The following ADORA2B variants were observed in gnomAD, a reference collection of about 807,000 sequenced individuals.
ADORA2B encodes the protein adenosine A2b receptor, also known as adenosine receptor A2b.
Under a neutral mutation model 20.8 loss-of-function variants are expected in ADORA2B, and 18 were observed. The observed-to-expected ratio is 0.87, with a 90% CI of 0.60 to 1.29. The LOEUF (loss-of-function observed/expected upper bound fraction) is 1.29. ADORA2B is among the 50% of genes most tolerant of loss of function. ADORA2B has a pLI of 0.00. For synonymous variants in ADORA2B, 179 were observed against 178.3 expected, an observed-to-expected ratio of 1.00 and a Z score of -0.03; for missense variants, 441 against 422.7, an observed-to-expected ratio of 1.04 and a Z score of -0.38.
the ADORA2B span, among the ~76,000 whole-genome samples, chr17:15,886,976 G>A: frequency 6.9e-5 from 9 of 131,118 alleles, 3 homozygotes; most frequent in Non-Finnish European, 1.5e-4. Context: ...GCCCGTGCTT[G>A]CAAGGCAACC....
At chr17:15,854,541 T>C in the ADORA2B span, among the ~76,000 whole-genome samples, 1 of 152,234 alleles carries the variant, frequency 6.6e-6, no homozygotes, top group Non-Finnish European at 1.5e-5. Flanking sequence ...TATTGGACGC[T>C]TTCCCACAAG....
the ADORA2B span, among the ~76,000 whole-genome samples, chr17:15,853,163 A>G: frequency 6.6e-5 from 10 of 152,272 alleles, no homozygotes; most frequent in Admixed American, 6.5e-4. Context: ...TAAAACTGAC[A>G]TCTGCCTTCT....
the ADORA2B span, among the ~76,000 whole-genome samples, chr17:15,927,075 G>C: frequency 6.6e-6 from 1 of 152,170 alleles, no homozygotes; most frequent in African/African-American, 2.4e-5. Context: ...GGCTGGGCAC[G>C]GTGACTCACG....
chr17:15,969,326 C>T (rs1450066146), intron 1 of ADORA2B, among the ~76,000 whole-genome samples: 13 of 151,970 alleles, frequency 8.6e-5, no homozygotes, highest in Non-Finnish European at 1.5e-4. Flanking sequence ...TGGTGGTGGG[C>T]GCCTGTAGTC....
chr17:15,860,052 AAAGCACTGTG>A, the ADORA2B span, among the ~76,000 whole-genome samples: 1 of 152,226 alleles, frequency 6.6e-6, no homozygotes, highest in Admixed American at 6.5e-5. Flanking sequence ...TTGCATAAGA[AAAGCACTGTG>A]AAGCACTGTC....
At chr17:15,936,382 A>C in the ADORA2B span, among the ~76,000 whole-genome samples, 1 of 150,934 alleles carries the variant, frequency 6.6e-6, no homozygotes, top group Non-Finnish European at 1.5e-5. Flanking sequence ...GCAGTGGTGC[A>C]ATCTTGTCTC....
chr17:15,944,971 G>T, upstream of ADORA2B: 1 of 256,840 alleles, frequency 3.9e-6, no homozygotes, highest in Non-Finnish European at 7.3e-6. This position sits in a 1 kb window ranked among gnomAD's most constrained non-coding sequence, Gnocchi z 4.8. Flanking sequence ...GCCTGGACCG[G>T]AGGGGCCCCG....
At chr17:15,904,359 C>G in the ADORA2B span, among the ~76,000 whole-genome samples, 1 of 150,056 alleles carries the variant, frequency 6.7e-6, no homozygotes, top group South Asian at 2.1e-4. Flanking sequence ...AGATTTTCAC[C>G]TGTACTTTTT....
chr17:15,948,456 T>G (rs1969847747), intron 1 of ADORA2B, among the ~76,000 whole-genome samples: 1 of 86,170 alleles, frequency 1.2e-5, no homozygotes, highest in Non-Finnish European at 2.5e-5. Context: ...GCTCCTGGGC[T>G]GGGGGAGGTG....
intron 1 of ADORA2B, among the ~76,000 whole-genome samples, chr17:15,962,785 TG>T (rs1179547050): frequency 1.3e-5 from 2 of 152,244 alleles, no homozygotes; most frequent in Non-Finnish European, 2.9e-5. Flanking sequence ...CCCAAAGTGC[TG>T]GGATTACAGG....
chr17:15,873,026 C>T, the ADORA2B span, among the ~76,000 whole-genome samples: 1 of 152,100 alleles, frequency 6.6e-6, no homozygotes, highest in Non-Finnish European at 1.5e-5. Context: ...CAGTATTACG[C>T]TGGTTGTGGG....
the ADORA2B span, among the ~76,000 whole-genome samples, chr17:15,866,280 A>G: frequency 6.7e-6 from 1 of 149,938 alleles, no homozygotes; most frequent in Non-Finnish European, 1.5e-5. Flanking sequence ...AATTTATGAG[A>G]GGTCAATTTC....
the ADORA2B span, among the ~76,000 whole-genome samples, chr17:15,895,237 A>G: frequency 6.6e-6 from 1 of 152,316 alleles, no homozygotes; most frequent in South Asian, 2.1e-4. Flanking sequence ...TCACGGAAAC[A>G]TCTAAAATAA....
At chr17:15,854,094 T>C in the ADORA2B span, among the ~76,000 whole-genome samples, 1 of 152,232 alleles carries the variant, frequency 6.6e-6, no homozygotes, top group African/African-American at 2.4e-5. Flanking sequence ...TAGCTGGTAT[T>C]ACAGCCATGC....
At chr17:15,956,754 G>C (rs372107040) in intron 1 of ADORA2B, among the ~76,000 whole-genome samples, 1 of 151,770 alleles carries the variant, frequency 6.6e-6, no homozygotes, top group Admixed American at 6.6e-5. Context: ...TGCCACCAAC[G>C]ATGCCCAGCT....
chr17:15,925,755 G>C, the ADORA2B span, among the ~76,000 whole-genome samples: 1 of 152,124 alleles, frequency 6.6e-6, no homozygotes, highest in Non-Finnish European at 1.5e-5. Flanking sequence ...GGATCACGAG[G>C]TCAGGAGTTC....
chr17:15,889,883 G>C, the ADORA2B span, among the ~76,000 whole-genome samples: 2 of 129,402 alleles, frequency 1.5e-5, 1 homozygote, highest in Non-Finnish European at 3.3e-5. Context: ...GGGCAACAGA[G>C]CAAGACTCTG....
At chr17:15,893,342 C>T in the ADORA2B span, among the ~76,000 whole-genome samples, 1 of 152,168 alleles carries the variant, frequency 6.6e-6, no homozygotes, top group South Asian at 2.1e-4. Flanking sequence ...ACTACCATTT[C>T]CCTGGGGAAA....
At chr17:15,969,630 C>T (rs1309506369) in intron 1 of ADORA2B, among the ~76,000 whole-genome samples, 7 of 152,234 alleles carry the variant, frequency 4.6e-5, no homozygotes, top group Non-Finnish European at 1.5e-5. Flanking sequence ...GAATCATCCT[C>T]CAGTCTTCAT....
Sources: allele counts gnomAD v4.1 joint callset (sites outside exome capture counted in the v4.1 genomes callset), GRCh38; gene constraint gnomAD v4.1.1; non-coding constraint Gnocchi (gnomAD v3.1); transcripts MANE v1.5; gene names NCBI Gene and HGNC (gene_info 2026-07-23, HGNC 2026-07-21).